The following RALY variants were observed in gnomAD, a reference collection of about 807,000 sequenced individuals.
RALY encodes the protein RNA-binding protein Raly.
Under a neutral mutation model 30.7 loss-of-function variants are expected in RALY, and 15 were observed. The observed-to-expected ratio is 0.49, with a 90% CI of 0.33 to 0.75. The LOEUF (loss-of-function observed/expected upper bound fraction) is 0.75, where lower values mean the gene tolerates loss of function less well. RALY is among the 30% of genes least tolerant of loss of function. The pLI is 0.02. For missense variants in RALY, 339 were observed against 414.3 expected, an observed-to-expected ratio of 0.82 and a Z score of 1.58; for synonymous variants, 177 against 170.8, an observed-to-expected ratio of 1.04 and a Z score of -0.28.
chr20:34,031,329 G>A (rs1325825859), intron 1 of RALY, among the ~76,000 whole-genome samples, 193 bp from the exon 2 acceptor site: 1 of 151,150 alleles, frequency 6.6e-6, no homozygotes, highest in Non-Finnish European at 1.5e-5. Flanking sequence ...CCAAAGTGCT[G>A]AGATTACAGG....
intron 1 of RALY, among the ~76,000 whole-genome samples, chr20:34,015,659 A>C (rs1330814578): frequency 6.6e-6 from 1 of 152,010 alleles, no homozygotes; most frequent in Non-Finnish European, 1.5e-5. Context: ...TCAAAATGTC[A>C]ATTTTAATGA....
At chr20:34,020,185 C>T (rs2031766600) in intron 1 of RALY, among the ~76,000 whole-genome samples, 1 of 152,102 alleles carries the variant, frequency 6.6e-6, no homozygotes, top group Non-Finnish European at 1.5e-5. Context: ...GAAGGTTCAC[C>T]GTAACACATG....
chr20:34,051,634 T>C (rs2033081521), intron 2 of RALY, among the ~76,000 whole-genome samples: 1 of 152,096 alleles, frequency 6.6e-6, no homozygotes, highest in Non-Finnish European at 1.5e-5. Context: ...CTCGCTCTGT[T>C]GCCCAGGCTG....
chr20:34,075,464 TTCCTAGC>T (rs1287309978), intron 5 of RALY, among the ~76,000 whole-genome samples: 2 of 151,986 alleles, frequency 1.3e-5, no homozygotes, highest in Non-Finnish European at 2.9e-5. Flanking sequence ...TACCTCTCTA[TTCCTAGC>T]TGGGGATTTG....
chr20:34,001,229 T>G (rs2030901457), intron 1 of RALY, among the ~76,000 whole-genome samples: 1 of 152,198 alleles, frequency 6.6e-6, no homozygotes, highest in Admixed American at 6.5e-5. Context: ...CATTAAAATA[T>G]GTAGCAAACT....
At chr20:34,013,977 T>G (rs916425471) in intron 1 of RALY, among the ~76,000 whole-genome samples, 1 of 152,204 alleles carries the variant, frequency 6.6e-6, no homozygotes, top group Non-Finnish European at 1.5e-5. Flanking sequence ...AATTATTGAC[T>G]TGAGGGTCTC....
chr20:34,077,109 G>A lies in RALY; in HGVS notation c.740G>A (p.Gly247Asp). The A allele has an allele frequency of 1.2e-6, 2 of 1,600,166 alleles. No homozygotes were observed. The highest frequency in any genetic ancestry group is 2.2e-5 in the South Asian group (2 of 90,172). The change falls in exon 8 of 10, where the codon GGC becomes GAC. Residue 247 changes from glycine to aspartate, a missense_variant. Physicochemically the swap from Gly to Asp is moderately conservative, Grantham distance 94 (BLOSUM62 -1). Transcript: ENST00000246194. ...AGCGGTGGCGGTGGCAGTGGTGGTG[G>A]CGGTGGCGGTGGCAGCAGCCGGCCA... Reference protein sequence around the residue: ...GGSGGGGSGGGGGGGSSRPPA... With the variant: ...GGSGGGGSGGDGGGGSSRPPA...
chr20:34,059,601 C>A (rs1040608688), intron 2 of RALY, among the ~76,000 whole-genome samples: 17 of 152,178 alleles, frequency 1.1e-4, no homozygotes, highest in African/African-American at 4.1e-4. Flanking sequence ...CTAGTAGACA[C>A]GGGATTCAGG....
chr20:34,061,705 T>C (rs1457769729), intron 2 of RALY, among the ~76,000 whole-genome samples: 1 of 152,234 alleles, frequency 6.6e-6, no homozygotes, highest in Non-Finnish European at 1.5e-5. Flanking sequence ...GGCCTACTGC[T>C]ATGCACTGTA....
At chr20:34,051,943 A>G (rs2033092658) in intron 2 of RALY, among the ~76,000 whole-genome samples, 1 of 152,152 alleles carries the variant, frequency 6.6e-6, no homozygotes, top group South Asian at 2.1e-4. Context: ...ACATATAATA[A>G]ATTCTCATTA....
chr20:34,051,158 G>A lies in RALY; in HGVS notation c.-10+19554G>A, dbSNP rs1356298465. 5.3e-5 allele frequency among the ~76,000 whole-genome samples: 8 copies of A among 152,110 alleles called. No homozygotes were observed. In the East Asian group the frequency reaches 5.8e-4, roughly 11 times the overall value. Reference sequence around the variant, plus strand: ...TATATATTACAGACCCCTTTCATACGTGTTACTGCTTTTGAACCTTAGAGC... The same window carrying A: ...TATATATTACAGACCCCTTTCATACATGTTACTGCTTTTGAACCTTAGAGC... On this transcript the variant is annotated intron_variant, in intron 2 of 9. Coordinates refer to ENST00000246194, the MANE Select transcript of RALY (RefSeq NM_016732.3).
chr20:34,021,114 A>G (rs2031802917), intron 1 of RALY, among the ~76,000 whole-genome samples: 1 of 152,208 alleles, frequency 6.6e-6, no homozygotes, highest in Admixed American at 6.5e-5. Context: ...GGCGTGCACC[A>G]CCACGCCTGG....
At chr20:34,065,579 G>C (rs555919539) in intron 2 of RALY, among the ~76,000 whole-genome samples, 119 of 152,304 alleles carry the variant, frequency 7.8e-4, no homozygotes, top group African/African-American at 2.8e-3. Context: ...AATGAACCAG[G>C]GCTTGGCCAG....
intron 2 of RALY, among the ~76,000 whole-genome samples, chr20:34,039,006 C>T (rs1043587211): frequency 1.3e-5 from 2 of 152,106 alleles, no homozygotes; most frequent in Non-Finnish European, 2.9e-5. Flanking sequence ...GCCTCTTTTT[C>T]CTCAGTTCTA....
At chr20:34,064,639 C>T (rs983018233) in intron 2 of RALY, among the ~76,000 whole-genome samples, 22 of 152,160 alleles carry the variant, frequency 1.4e-4, no homozygotes, top group African/African-American at 5.3e-4. Flanking sequence ...CCCCCAACTC[C>T]CTTACTCTCA....
intron 2 of RALY, among the ~76,000 whole-genome samples, chr20:34,065,811 A>G (rs2033553397): frequency 1.3e-5 from 2 of 152,318 alleles, no homozygotes; most frequent in South Asian, 2.1e-4. Flanking sequence ...CCTCATCCCC[A>G]TGCAGGAGAA....
At chr20:34,003,860 C>G (rs527981596) in intron 1 of RALY, among the ~76,000 whole-genome samples, 2 of 151,962 alleles carry the variant, frequency 1.3e-5, no homozygotes, top group Non-Finnish European at 1.5e-5. Context: ...GGGATGGTCT[C>G]GATCTCCTGA....
At chr20:34,024,292 CAA>C (rs1380679162) in intron 1 of RALY, among the ~76,000 whole-genome samples, 2 of 152,106 alleles carry the variant, frequency 1.3e-5, no homozygotes, top group African/African-American at 4.8e-5. Flanking sequence ...ACTTCCAGCT[CAA>C]GAGGGGGAAG....
intron 1 of RALY, among the ~76,000 whole-genome samples, chr20:34,002,622 T>G (rs2030969869): frequency 6.6e-6 from 1 of 152,218 alleles, no homozygotes; most frequent in African/African-American, 2.4e-5. Context: ...GACTTTATTT[T>G]TTTGGCATTC....
Sources: allele counts gnomAD v4.1 joint callset (sites outside exome capture counted in the v4.1 genomes callset), GRCh38; gene constraint gnomAD v4.1.1; transcripts MANE v1.5; gene names NCBI Gene and HGNC (gene_info 2026-07-23, HGNC 2026-07-21).